Variants in KHK observed in about 807,000 individuals in gnomAD.
KHK encodes the protein ketohexokinase, also known as fructokinase.
In KHK, 37 loss-of-function variants were observed where a neutral mutation model predicts 36.0. The ratio of observed to expected loss-of-function variants is 1.03; its 90% CI spans 0.79 to 1.35. The LOEUF (loss-of-function observed/expected upper bound fraction) is 1.35, where lower values mean the gene tolerates loss of function less well. Among genes scored for constraint, KHK ranks in the 40% most tolerant of loss-of-function variants. The pLI is 0.00. For synonymous variants in KHK, 161 were observed against 162.8 expected, an observed-to-expected ratio of 0.99 and a Z score of 0.08; for missense variants, 395 against 391.9, an observed-to-expected ratio of 1.01 and a Z score of -0.07.
At chr2:27,099,371 T>TG (rs1307998365) in intron 6 of KHK, 49 bp from the exon 7 acceptor site, 1 of 1,612,156 alleles carries the variant, frequency 6.2e-7, no homozygotes, top group Non-Finnish European at 8.5e-7. Context: ...GGAGGATGGC[T>TG]GGGGGGACGG....
At chr2:27,090,780 G>A (rs1669956324) in intron 1 of KHK, among the ~76,000 whole-genome samples, 2 of 151,856 alleles carry the variant, frequency 1.3e-5, no homozygotes, top group South Asian at 4.1e-4. Flanking sequence ...CCAGCTGGGT[G>A]CAGTGGCTCA....
Position 27,097,526 on chromosome 2 carries a change from G to A in KHK, c.441G>A (p.Val147=). 2 of 1,613,892 alleles carry A rather than the reference G, an allele frequency of 1.2e-6. No individual in the cohort carries two copies. Among genetic ancestry groups the A allele is most frequent in the African/African-American group, 1.3e-5 (1 of 75,062 alleles). The change falls in exon 5 of 8, where the codon GTG becomes GTA. Residue 147 remains valine, a synonymous_variant. Transcript: ENST00000260598. ...HIEGRNASEQ[V]KMLQRIDAHN... Reference sequence around the variant, plus strand: ...AGGGCCGGAACGCATCGGAGCAGGTGAAGATGCTGCAGCGGATAGACGCAC... The same window carrying A: ...AGGGCCGGAACGCATCGGAGCAGGTAAAGATGCTGCAGCGGATAGACGCAC...
chr2:27,090,251 C>T (rs1378136395), intron 1 of KHK, among the ~76,000 whole-genome samples: 1 of 152,172 alleles, frequency 6.6e-6, no homozygotes, highest in Non-Finnish European at 1.5e-5. Flanking sequence ...AATGCTTGGG[C>T]CTAACAACTT....
chr2:27,097,647 G>T lies in KHK; in HGVS notation c.562G>T (p.Val188Leu). The change falls in exon 5 of 8, where the codon GTG (valine) becomes TTG (leucine). Residue 188 changes from valine (V) to leucine (L), a missense_variant and splice_region_variant. Val to Leu is a conservative substitution (Grantham distance 32). Transcript: ENST00000260598. ...ELFQLFGYGD[V>L]VFVSKDVAKH... ...CTTCCAGCTGTTTGGCTACGGAGAC[G>T]TGGTGGGTGCCCCATTCAGCCTCTC... 6.2e-7 allele frequency: 1 copy of T among 1,613,994 alleles called. No individual in the cohort carries two copies. Among genetic ancestry groups the T allele is most frequent in the Admixed American group, 1.7e-5 (1 of 60,034 alleles).
chr2:27,094,685 C>T (rs1670226581), intron 2 of KHK, 115 bp from the exon 3 acceptor site: 1 of 1,613,230 alleles, frequency 6.2e-7, no homozygotes, highest in Non-Finnish European at 8.5e-7. Flanking sequence ...CTCTTCTTCT[C>T]TTAGAGGCTC....
intron 3 of KHK, 60 bp from the exon 4 acceptor site, chr2:27,096,669 C>T (rs1670371824): frequency 7.2e-7 from 1 of 1,380,208 alleles, no homozygotes; most frequent in Admixed American, 1.7e-5. Flanking sequence ...GTTAGAGATC[C>T]TGGCTCTGCC....
chr2:27,093,124 A>G (rs985979311), intron 2 of KHK, among the ~76,000 whole-genome samples: 4 of 152,154 alleles, frequency 2.6e-5, no homozygotes, highest in Non-Finnish European at 5.9e-5. Flanking sequence ...CACTTTGCAC[A>G]CTGTGGGCAC....
intron 5 of KHK, 163 bp from the exon 6 acceptor site, chr2:27,099,030 AAAT>A: frequency 1.4e-6 from 1 of 720,496 alleles, no homozygotes; most frequent in Non-Finnish European, 2.5e-6. Context: ...TCTTCACAAA[AAAT>A]AAAGAAAAAA....
intron 3 of KHK, among the ~76,000 whole-genome samples, chr2:27,095,515 G>A (rs1462170638): frequency 6.6e-6 from 1 of 152,226 alleles, no homozygotes; most frequent in Non-Finnish European, 1.5e-5. Flanking sequence ...AGCAGATCAG[G>A]GTCATCTAAC....
Position 27,100,080 on chromosome 2 carries a change from AGAG to A in KHK, c.*335_*337del, listed in dbSNP as rs1466019326. On this transcript the variant is annotated 3_prime_UTR_variant, in exon 8 of 8. Coordinates refer to ENST00000260598, the MANE Select transcript of KHK (RefSeq NM_006488.3). ...CAAATTAACCTCTCCGCCCAGGCCC[AGAG>A]GAGGGGCTGCCTGGGCTAGAGCAGC... 1 of 600,980 alleles carries A rather than the reference AGAG, an allele frequency of 1.7e-6. No individual in the cohort carries two copies. The highest frequency in any genetic ancestry group is 2.9e-6 in the Non-Finnish European group (1 of 340,468). 37.2% of individuals were successfully genotyped at this position (600,980 alleles called of 1,614,324 possible). A position where few individuals can be genotyped will look rare whatever the true frequency, so the allele number is the denominator to read the frequency against.
In KHK at chr2:27,087,105, C is replaced by T; in HGVS notation, c.-155C>T. The T allele has an allele frequency of 4.7e-6, 3 of 634,680 alleles. No individual in the cohort carries two copies. Among genetic ancestry groups the T allele is most frequent in the Non-Finnish European group, 5.6e-6 (2 of 356,488 alleles). The allele number at this position is 634,680 out of a possible 1,614,324, so 39.3% of individuals were successfully genotyped here. A position where few individuals can be genotyped will look rare whatever the true frequency, so the allele number is the denominator to read the frequency against. ...GCCCTGCTCCTTTCGTTCCCTGCAC[C>T]CCTGGCCGCTGCAGGTGGCTCCCTG... On this transcript the variant is annotated 5_prime_UTR_variant, in exon 1 of 8. Coordinates refer to ENST00000260598, the MANE Select transcript of KHK (RefSeq NM_006488.3).
In KHK at chr2:27,100,433, G is replaced by C; in HGVS notation, c.*683G>C. 1 of 1,290,956 alleles carries C rather than the reference G, an allele frequency of 7.7e-7. No individual in the cohort carries two copies. Among genetic ancestry groups the C allele is most frequent in the South Asian group, 1.2e-5 (1 of 81,024 alleles). 80.0% of individuals were successfully genotyped at this position (1,290,956 alleles called of 1,614,324 possible). A position where few individuals can be genotyped will look rare whatever the true frequency, so the allele number is the denominator to read the frequency against. On this transcript the variant is annotated 3_prime_UTR_variant, in exon 8 of 8. Transcript: ENST00000260598. ...GAGCCCACCTTGGAATTAAGGGCGT[G>C]CCTCAGCCACAAATGTGACCCAGGA...
chr2:27,091,215 G>A (rs1306424429), intron 1 of KHK, among the ~76,000 whole-genome samples: 2 of 151,982 alleles, frequency 1.3e-5, no homozygotes, highest in African/African-American at 4.8e-5. Flanking sequence ...TGAGTAGCTG[G>A]GACCACGGGT....
At chr2:27,094,732 G>A (rs1374298777) in intron 2 of KHK, 68 bp from the exon 3 acceptor site, 1 of 1,613,346 alleles carries the variant, frequency 6.2e-7, no homozygotes, top group Non-Finnish European at 8.5e-7. Flanking sequence ...CCTTTTGGAG[G>A]TCCAGACCAC....
At chr2:27,091,911 G>A (rs1670030480) in intron 1 of KHK, among the ~76,000 whole-genome samples, 1 of 152,040 alleles carries the variant, frequency 6.6e-6, no homozygotes, top group Non-Finnish European at 1.5e-5. Flanking sequence ...CCTTTGGGAA[G>A]AGGCACTTAG....
chr2:27,096,892 AC>A, intron 4 of KHK, 91 bp downstream of exon 4: 1 of 946,148 alleles, frequency 1.1e-6, no homozygotes, highest in East Asian at 2.4e-5. Context: ...ATCATGAAGT[AC>A]CTTAGAGATA....
At position 27,100,218 on chromosome 2, in the gene KHK, C is replaced by T. The variant is rs1670728427; in HGVS notation, c.*468C>T. On this transcript the variant is annotated 3_prime_UTR_variant, in exon 8 of 8. Coordinates refer to ENST00000260598, the MANE Select transcript of KHK (RefSeq NM_006488.3). ...ACCGTGAGAGCTCTTCGGGGCCCTGCGTTGTGCAGACTCTATTCCCACAGC... is the reference window on the plus strand; with the variant it reads ...ACCGTGAGAGCTCTTCGGGGCCCTGTGTTGTGCAGACTCTATTCCCACAGC... The T allele has an allele frequency of 3.2e-5, 13 of 403,110 alleles. 1 individual carries two copies. Among genetic ancestry groups the T allele is most frequent in the South Asian group, 2.1e-4 (10 of 48,778 alleles). The allele number at this position is 403,110 out of a possible 1,614,324, so 25.0% of individuals were successfully genotyped here.
intron 5 of KHK, chr2:27,098,806 T>C: frequency 4.5e-6 from 1 of 221,068 alleles, no homozygotes; most frequent in South Asian, 6.1e-5. Context: ...GCTCAAGGCT[T>C]TCTGTGGGTT....
At chr2:27,097,677 C>T (rs1670457474) in intron 5 of KHK, 28 bp downstream of exon 5, 1 of 1,613,724 alleles carries the variant, frequency 6.2e-7, no homozygotes, top group Non-Finnish European at 8.5e-7. Context: ...CCTCTCTTTG[C>T]CACTTCCAGC....
Sources: allele counts gnomAD v4.1 joint callset (sites outside exome capture counted in the v4.1 genomes callset), GRCh38; gene constraint gnomAD v4.1.1; transcripts MANE v1.5; gene names NCBI Gene and HGNC (gene_info 2026-07-23, HGNC 2026-07-21).